Variants in PSEN2 observed in about 807,000 individuals in gnomAD.
PSEN2 encodes presenilin-2.
PSEN2 carries 32 observed loss-of-function variants against 49.1 expected under a neutral mutation model. The observed-to-expected ratio is 0.65, with a 90% CI of 0.49 to 0.88. PSEN2 has a LOEUF of 0.88. PSEN2 is among the 40% of genes least tolerant of loss of function. PSEN2 has a pLI of 0.00. For missense variants in PSEN2, 522 were observed against 586.9 expected, an observed-to-expected ratio of 0.89 and a Z score of 1.14; for synonymous variants, 255 against 244.0, an observed-to-expected ratio of 1.05 and a Z score of -0.42.
intron 2 of PSEN2, among the ~76,000 whole-genome samples, chr1:226,874,743 A>G (rs1660524985): frequency 6.6e-6 from 1 of 152,208 alleles, no homozygotes; most frequent in South Asian, 2.1e-4. Flanking sequence ...CTTGCAAGGT[A>G]TGCCTGTTCT....
At chr1:226,880,676 C>T (rs773090604) in intron 3 of PSEN2, 12 of 1,612,794 alleles carry the variant, frequency 7.4e-6, no homozygotes, top group Non-Finnish European at 8.5e-7. Flanking sequence ...ATTTGCCAGG[C>T]ATTGTTTGAA....
intron 3 of PSEN2, among the ~76,000 whole-genome samples, chr1:226,876,896 C>T (rs922391778): frequency 1.3e-5 from 2 of 152,174 alleles, no homozygotes; most frequent in African/African-American, 2.4e-5. Context: ...CCACACTCTC[C>T]TCCGCAGTGG....
chr1:226,877,585 C>G (rs987904527), intron 3 of PSEN2, among the ~76,000 whole-genome samples: 2 of 152,180 alleles, frequency 1.3e-5, no homozygotes, highest in African/African-American at 4.8e-5. Context: ...AGAGGGTGCC[C>G]TTGCTGTGAC....
downstream of PSEN2, among the ~76,000 whole-genome samples, chr1:226,897,093 T>C (rs1029026930): frequency 6.6e-6 from 1 of 152,002 alleles, no homozygotes; most frequent in Non-Finnish European, 1.5e-5. Flanking sequence ...GTAGTGCAGG[T>C]CAGAGACCTG....
At chr1:226,878,835 G>T (rs1660797351) in intron 3 of PSEN2, among the ~76,000 whole-genome samples, 1 of 152,186 alleles carries the variant, frequency 6.6e-6, no homozygotes, top group South Asian at 2.1e-4. Flanking sequence ...GCACACTGCT[G>T]CAGATGGAAT....
intron 11 of PSEN2, among the ~76,000 whole-genome samples, chr1:226,893,093 T>A (rs1461493573): frequency 6.6e-6 from 1 of 150,700 alleles, no homozygotes; most frequent in Non-Finnish European, 1.5e-5. Context: ...CTACCACACC[T>A]GGCTCATTTA....
At chr1:226,889,564 T>A (rs1323166660) in intron 8 of PSEN2, among the ~76,000 whole-genome samples, 1 of 152,192 alleles carries the variant, frequency 6.6e-6, no homozygotes, top group African/African-American at 2.4e-5. Context: ...CATGAGCCAC[T>A]ACACCCAGCC....
At chr1:226,895,321 C>T in intron 12 of PSEN2, 103 bp from the exon 13 acceptor site, 2 of 1,365,620 alleles carry the variant, frequency 1.5e-6, no homozygotes, top group Non-Finnish European at 2.1e-6. Context: ...CGTTATCCGA[C>T]TGGTCCTCGA....
chr1:226,872,319 A>G (rs1293666820), intron 2 of PSEN2, among the ~76,000 whole-genome samples: 1 of 152,236 alleles, frequency 6.6e-6, no homozygotes, highest in Non-Finnish European at 1.5e-5. Flanking sequence ...GCTATCTTGT[A>G]CAGAATATTA....
At chr1:226,878,201 T>C (rs1408678377) in intron 3 of PSEN2, among the ~76,000 whole-genome samples, 3 of 152,070 alleles carry the variant, frequency 2.0e-5, no homozygotes, top group Non-Finnish European at 4.4e-5. Flanking sequence ...TGCTACAGCC[T>C]TCTGAGTAGC....
chr1:226,891,604 T>C, intron 10 of PSEN2, 139 bp from the exon 11 acceptor site: 1 of 839,354 alleles, frequency 1.2e-6, no homozygotes. Flanking sequence ...GGGGAAGCCC[T>C]GGTGTCAGGT....
rs916667915 is a variant in PSEN2 at position 226,875,504 on chromosome 1, A to G, written c.-67A>G. ...TCATTTAGCCTGCTGAGAAGAAGAA[A>G]CCAAGTGTCCGGGATTCAGACCTCT... On this transcript the variant is annotated 5_prime_UTR_variant, in exon 3 of 13. Coordinates refer to ENST00000366783, the MANE Select transcript of PSEN2 (RefSeq NM_000447.3). The G allele has an allele frequency of 6.6e-6, 1 of 152,086 alleles. No individual in the cohort carries two copies. Among genetic ancestry groups the G allele is most frequent in the African/African-American group, 2.4e-5 (1 of 41,402 alleles). 9.4% of individuals were successfully genotyped at this position (152,086 alleles called of 1,614,324 possible).
At chr1:226,888,218 C>T (rs1208912430) in intron 7 of PSEN2, 60 bp downstream of exon 7, 13 of 1,432,900 alleles carry the variant, frequency 9.1e-6, no homozygotes, top group Middle Eastern at 1.8e-4. Context: ...CACAAGTGGA[C>T]ATGGGCATGA....
downstream of PSEN2, among the ~76,000 whole-genome samples, chr1:226,900,875 C>T (rs966313084): frequency 1.3e-5 from 2 of 152,144 alleles, no homozygotes; most frequent in African/African-American, 4.8e-5. Context: ...CCAGTGCCAA[C>T]CTTGTGCTAG....
intron 7 of PSEN2, among the ~76,000 whole-genome samples, chr1:226,888,548 A>G (rs756894444): frequency 2.0e-5 from 3 of 152,216 alleles, no homozygotes; most frequent in Non-Finnish European, 2.9e-5. Context: ...AGCCTGACCC[A>G]GGGGCCCAAA....
chr1:226,888,029 G>C (rs1661480381), intron 6 of PSEN2, 62 bp from the exon 7 acceptor site: 1 of 1,348,158 alleles, frequency 7.4e-7, no homozygotes, highest in African/African-American at 1.4e-5. Context: ...TCAGGATCCT[G>C]GGGGCCTTAG....
intron 4 of PSEN2, among the ~76,000 whole-genome samples, chr1:226,883,392 C>T (rs888079985): frequency 6.6e-6 from 1 of 152,190 alleles, no homozygotes; most frequent in Admixed American, 6.5e-5. Context: ...TGAGTGACCT[C>T]CTGAGTCCCT....
intron 12 of PSEN2, among the ~76,000 whole-genome samples, chr1:226,894,387 ACAGCCTCCAGGCCGAGGACC>A (rs1462689933): frequency 6.6e-6 from 1 of 152,226 alleles, no homozygotes; most frequent in Non-Finnish European, 1.5e-5. Flanking sequence ...GGCTGAGCAC[ACAGCCTCCAGGCCGAGGACC>A]CAGCTGACAG....
At chr1:226,891,096 CAAGA>C in intron 9 of PSEN2, 178 bp from the exon 10 acceptor site, 3 of 627,426 alleles carry the variant, frequency 4.8e-6, no homozygotes, top group Non-Finnish European at 5.8e-6. Flanking sequence ...TAGACAAATG[CAAGA>C]GAGAGTGACT....
Sources: allele counts gnomAD v4.1 joint callset (sites outside exome capture counted in the v4.1 genomes callset), GRCh38; gene constraint gnomAD v4.1.1; transcripts MANE v1.5; gene names NCBI Gene and HGNC (gene_info 2026-07-23, HGNC 2026-07-21).